FBXL13: variants seen among roughly 807,000 people sequenced by gnomAD.
FBXL13 encodes the protein F-box and leucine-rich repeat protein 13.
A neutral mutation model predicts 83.6 loss-of-function variants in FBXL13; 67 were observed. That is an observed-to-expected ratio of 0.80 (90% CI 0.66 to 0.98). FBXL13 has a LOEUF of 0.98. Among genes scored for constraint, FBXL13 ranks in the 50% least tolerant of loss-of-function variants. The pLI is 0.00. For missense variants in FBXL13, 822 were observed against 866.5 expected, an observed-to-expected ratio of 0.95 and a Z score of 0.64; for synonymous variants, 272 against 299.5, an observed-to-expected ratio of 0.91 and a Z score of 0.95.
intron 6 of FBXL13, among the ~76,000 whole-genome samples, chr7:103,006,321 AGAGT>A (rs1453318293): frequency 5.3e-5 from 8 of 152,246 alleles, no homozygotes; most frequent in African/African-American, 1.9e-4. Flanking sequence ...GTGTATGCAC[AGAGT>A]GAGACACCAT....
chr7:103,036,710 C>T (rs1394593392), intron 2 of FBXL13, among the ~76,000 whole-genome samples: 2 of 152,056 alleles, frequency 1.3e-5, no homozygotes, highest in Non-Finnish European at 2.9e-5. Context: ...TGGGGTTTCA[C>T]CATGTTGCCC....
chr7:103,049,082 C>T (rs1796558669), intron 2 of FBXL13, among the ~76,000 whole-genome samples: 1 of 152,214 alleles, frequency 6.6e-6, no homozygotes, highest in Non-Finnish European at 1.5e-5. Context: ...TCCTAAACAT[C>T]CCTCTTTTTA....
chr7:103,064,697 T>A (rs1331887325), intron 1 of FBXL13, among the ~76,000 whole-genome samples: 1 of 152,252 alleles, frequency 6.6e-6, no homozygotes, highest in African/African-American at 2.4e-5. Context: ...CATCATGAAA[T>A]GGGTTCCATG....
exon 12 of FBXL13, chr7:102,884,261 G>A: frequency 6.2e-7 from 1 of 1,613,714 alleles, no homozygotes; most frequent in Non-Finnish European, 8.5e-7. Context: ...ATGGTAAGAT[G>A]CATAATTCCA....
chr7:102,991,849 A>T (rs535753138), intron 6 of FBXL13, among the ~76,000 whole-genome samples: 5 of 152,328 alleles, frequency 3.3e-5, no homozygotes, highest in South Asian at 2.1e-4. Flanking sequence ...GTCAGGAATA[A>T]GTGGTGCGCA....
At chr7:102,985,364 G>T (rs1030358763) in intron 6 of FBXL13, among the ~76,000 whole-genome samples, 6 of 152,152 alleles carry the variant, frequency 3.9e-5, no homozygotes, top group African/African-American at 1.4e-4. Flanking sequence ...GCTCCTGAGT[G>T]AGCTTCCAAC....
intron 16 of FBXL13, among the ~76,000 whole-genome samples, chr7:102,872,753 A>G (rs1349288533): frequency 1.3e-5 from 2 of 152,216 alleles, no homozygotes; most frequent in African/African-American, 2.4e-5. Flanking sequence ...AACATTTTGA[A>G]AAGCTGTAGA....
At chr7:102,857,196 C>T (rs1332333145) in intron 16 of FBXL13, among the ~76,000 whole-genome samples, 1 of 149,504 alleles carries the variant, frequency 6.7e-6, no homozygotes, top group African/African-American at 2.5e-5. Flanking sequence ...ATAGCTAAGA[C>T]TTCAAAACCA....
intron 6 of FBXL13, among the ~76,000 whole-genome samples, chr7:102,989,826 C>T (rs571950003): frequency 4.6e-5 from 7 of 152,308 alleles, no homozygotes; most frequent in Non-Finnish European, 7.4e-5. Context: ...TCAAGAACAT[C>T]TGTGAGGAAT....
At chr7:102,956,075 A>G (rs1426215903) in intron 8 of FBXL13, among the ~76,000 whole-genome samples, 2 of 152,134 alleles carry the variant, frequency 1.3e-5, no homozygotes, top group Non-Finnish European at 2.9e-5. Flanking sequence ...GCAGAGACAC[A>G]ACAAAAAAAG....
chr7:103,051,001 G>C (rs1389068693), intron 2 of FBXL13, among the ~76,000 whole-genome samples: 1 of 151,628 alleles, frequency 6.6e-6, no homozygotes, highest in Non-Finnish European at 1.5e-5. Context: ...ACATTCCACT[G>C]TAAGTTACCT....
intron 2 of FBXL13, among the ~76,000 whole-genome samples, chr7:103,045,154 C>T (rs1439061177): frequency 6.6e-6 from 1 of 152,216 alleles, no homozygotes; most frequent in African/African-American, 2.4e-5. Flanking sequence ...AGGTACACAA[C>T]AGCTGGACTG....
chr7:102,890,912 A>G, intron 11 of FBXL13, among the ~76,000 whole-genome samples: 1 of 152,158 alleles, frequency 6.6e-6, no homozygotes, highest in Admixed American at 6.5e-5. Flanking sequence ...ACTGCATCCA[A>G]TGACTAATAG....
chr7:102,862,391 T>A (rs951239383), intron 16 of FBXL13, among the ~76,000 whole-genome samples: 7 of 151,522 alleles, frequency 4.6e-5, no homozygotes, highest in Admixed American at 2.0e-4. Flanking sequence ...TATGAATATG[T>A]TTTTTCATTA....
chr7:102,962,222 A>G (rs949413723), intron 8 of FBXL13, among the ~76,000 whole-genome samples: 2 of 151,864 alleles, frequency 1.3e-5, no homozygotes, highest in Non-Finnish European at 1.5e-5. Context: ...GCAGCCAAAA[A>G]ACACATGAAA....
chr7:103,033,766 G>C (rs1251601785), intron 2 of FBXL13, among the ~76,000 whole-genome samples: 1 of 152,152 alleles, frequency 6.6e-6, no homozygotes, highest in African/African-American at 2.4e-5. Context: ...AGCTTCCACA[G>C]TGTGGAAGGG....
chr7:103,040,230 G>A lies in FBXL13; in HGVS notation c.1-10812C>T, dbSNP rs116905871. On this transcript the variant is annotated intron_variant, in intron 2 of 19. Transcript: ENST00000313221. ...CAGAGATCAAAAAGAGACAAAGAAG[G>A]CCACTACATATTGGTAAAGGGATCA... 7.3e-4 allele frequency among the ~76,000 whole-genome samples: 111 copies of A among 152,162 alleles called. 1 individual carries two copies. In the East Asian group the frequency reaches 0.018, roughly 25 times the overall value.
chr7:103,057,497 GAT>G (rs1797449975), intron 1 of FBXL13, among the ~76,000 whole-genome samples: 1 of 152,124 alleles, frequency 6.6e-6, no homozygotes, highest in South Asian at 2.1e-4. Flanking sequence ...CCATAAAAGA[GAT>G]TGAGAAAATC....
intron 18 of FBXL13, among the ~76,000 whole-genome samples, chr7:102,822,957 G>A (rs1006562512): frequency 1.3e-5 from 2 of 152,140 alleles, no homozygotes; most frequent in African/African-American, 4.8e-5. Flanking sequence ...AGCTACTTGG[G>A]AGGCTCTGGT....
Sources: allele counts gnomAD v4.1 joint callset (sites outside exome capture counted in the v4.1 genomes callset), GRCh38; gene constraint gnomAD v4.1.1; transcripts MANE v1.5; gene names NCBI Gene and HGNC (gene_info 2026-07-23, HGNC 2026-07-21).